The following TENM2 variants were observed in gnomAD, a reference collection of about 807,000 sequenced individuals.
TENM2 encodes the protein teneurin transmembrane protein 2.
In TENM2, 52 loss-of-function variants were observed where a neutral mutation model predicts 245.2. That is an observed-to-expected ratio of 0.21 (90% confidence interval 0.17 to 0.27). TENM2 has a LOEUF of 0.27. TENM2 is among the 10% of genes least tolerant of loss of function. The pLI, the probability that TENM2 is intolerant of heterozygous loss-of-function variation, is 1.00. For synonymous variants in TENM2, 1,363 were observed against 1,438.9 expected (o/e 0.95, Z 1.19); for missense variants, 3,046 against 3,666.8 (o/e 0.83, Z 4.37).
chr5:168,201,067 C>A (rs970724435), intron 17 of TENM2, among the ~76,000 whole-genome samples: 5 of 151,982 alleles, frequency 3.3e-5, no homozygotes, highest in Non-Finnish European at 7.4e-5. Flanking sequence ...CAAGTAGGCA[C>A]CCTCATAACC....
At position 167,915,415 on chromosome 5, in the gene TENM2, T is replaced by C. The variant is rs1021441795; in HGVS notation, c.713-37173T>C. Among the ~76,000 whole-genome samples the C allele has an allele frequency of 3.9e-5, 6 of 152,172 alleles. No individual in the cohort carries two copies. The East Asian group carries it at 9.6e-4, about 24-fold the overall frequency. ...CATGTAAGGTGTCTGAATCCGTTCT[T>C]GGAAGTGTCTTTTCCCCTCCTGTTC... On this transcript the variant is annotated intron_variant, in intron 3 of 28. Transcript: ENST00000518659.
chr5:167,783,688 C>T (rs963245181), intron 2 of TENM2, among the ~76,000 whole-genome samples: 1 of 152,172 alleles, frequency 6.6e-6, no homozygotes, highest in African/African-American at 2.4e-5. Flanking sequence ...GGCAAGCTTC[C>T]AAATCATTGT....
intron 13 of TENM2, among the ~76,000 whole-genome samples, chr5:168,172,342 A>T (rs906139269): frequency 2.0e-5 from 3 of 152,210 alleles, no homozygotes; most frequent in African/African-American, 7.2e-5. Context: ...AAAGGACGTG[A>T]TGTCCAAAAC....
At chr5:167,232,064 C>T in the TENM2 span, among the ~76,000 whole-genome samples, 1 of 152,182 alleles carries the variant, frequency 6.6e-6, no homozygotes, top group Non-Finnish European at 1.5e-5. Context: ...GTTTGGGAAC[C>T]TCCACCTATA....
At chr5:167,051,015 C>T in the TENM2 span, among the ~76,000 whole-genome samples, 2 of 152,170 alleles carry the variant, frequency 1.3e-5, no homozygotes, top group African/African-American at 2.4e-5. Context: ...GCAACTGGCA[C>T]TTTTCCCCCT....
chr5:167,162,648 CA>C, the TENM2 span, among the ~76,000 whole-genome samples: 39 of 143,972 alleles, frequency 2.7e-4, no homozygotes, highest in East Asian at 2.0e-3. Context: ...CAACAAAAAA[CA>C]AAAAAAAAAC....
chr5:167,744,434 T>C (rs1304502387), intron 2 of TENM2, among the ~76,000 whole-genome samples: 1 of 152,186 alleles, frequency 6.6e-6, no homozygotes, highest in Non-Finnish European at 1.5e-5. Flanking sequence ...GACTGAGTTA[T>C]GGGACTCTTC....
chr5:167,801,603 A>G (rs1765779933), intron 2 of TENM2, among the ~76,000 whole-genome samples: 1 of 152,138 alleles, frequency 6.6e-6, no homozygotes, highest in South Asian at 2.1e-4. Flanking sequence ...ATTGAATTCA[A>G]TTTGGGGACA....
chr5:168,200,437 G>A (rs1239076517), intron 17 of TENM2, among the ~76,000 whole-genome samples: 1 of 152,228 alleles, frequency 6.6e-6, no homozygotes, highest in African/African-American at 2.4e-5. Flanking sequence ...CCTCTGCAGG[G>A]CAGCATTTAA....
intron 25 of TENM2, chr5:168,230,766 T>G (rs1189878497): frequency 1.3e-5 from 2 of 152,138 alleles, no homozygotes; most frequent in Admixed American, 1.3e-4. Flanking sequence ...AAGGAGACTC[T>G]AGAGAGATAA....
intron 2 of TENM2, among the ~76,000 whole-genome samples, chr5:167,767,110 C>A (rs542327274): frequency 3.3e-5 from 5 of 152,310 alleles, no homozygotes; most frequent in Admixed American, 6.5e-5. Flanking sequence ...ATGTTCATAG[C>A]AGCTTTATTC....
chr5:167,371,746 G>C (rs1029931126), intron 1 of TENM2, among the ~76,000 whole-genome samples: 1 of 152,060 alleles, frequency 6.6e-6, no homozygotes, highest in East Asian at 1.9e-4. Flanking sequence ...TCCCCGATTA[G>C]ACTGTAAATG....
chr5:168,053,597 A>G (rs923999211), intron 6 of TENM2, among the ~76,000 whole-genome samples: 2 of 152,258 alleles, frequency 1.3e-5, no homozygotes, highest in Non-Finnish European at 2.9e-5. Flanking sequence ...TGATAGTATA[A>G]CAACTATTTA....
intron 2 of TENM2, among the ~76,000 whole-genome samples, chr5:167,591,767 TC>T (rs1775891614): frequency 6.6e-6 from 1 of 152,198 alleles, no homozygotes; most frequent in Non-Finnish European, 1.5e-5. Flanking sequence ...TAACCCTATT[TC>T]TGCATAGAAC....
Position 167,995,577 on chromosome 5 carries a change from G to T in TENM2, c.1186+2395G>T, listed in dbSNP as rs182239863. Among the ~76,000 whole-genome samples the T allele has an allele frequency of 2.0e-5, 3 of 152,296 alleles. No homozygotes were observed. The East Asian group carries it at 5.8e-4, about 29-fold the overall frequency. Reference sequence around the variant, plus strand: ...CCGAGGTGACCGCAGGTCTGCAAGCGTGGTAAGGGGTCAGGATCTGAAGTG... The same window carrying T: ...CCGAGGTGACCGCAGGTCTGCAAGCTTGGTAAGGGGTCAGGATCTGAAGTG... On this transcript the variant is annotated intron_variant, in intron 5 of 28. Transcript: ENST00000518659.
chr5:168,228,987 A>ATATACATATATAATACATTATATG lies in TENM2; in HGVS notation c.5520+866_5520+889dup, dbSNP rs1455399975. ...CATAATATACATATACGTATACATA[A>ATATACATATATAATACATTATATG]TATACATATATAATACATTATATGT... On this transcript the variant is annotated intron_variant, in intron 25 of 28. Coordinates refer to ENST00000518659, the Ensembl canonical transcript of TENM2. Among the ~76,000 whole-genome samples the ATATACATATATAATACATTATATG allele has an allele frequency of 2.0e-5, 3 of 147,884 alleles. No homozygotes were observed. In the East Asian group the frequency reaches 5.9e-4, roughly 29 times the overall value.
At chr5:167,110,315 G>A in the TENM2 span, among the ~76,000 whole-genome samples, 1 of 152,214 alleles carries the variant, frequency 6.6e-6, no homozygotes, top group South Asian at 2.1e-4. Flanking sequence ...ATGTACAAGG[G>A]CTGGAGACAT....
chr5:167,542,872 C>T (rs1772304557), intron 2 of TENM2, among the ~76,000 whole-genome samples: 2 of 152,208 alleles, frequency 1.3e-5, no homozygotes, highest in South Asian at 4.2e-4. Flanking sequence ...GACCAAACCA[C>T]CCCAAAACTT....
At chr5:167,991,199 T>C (rs1401150948) in intron 4 of TENM2, among the ~76,000 whole-genome samples, 1 of 152,204 alleles carries the variant, frequency 6.6e-6, no homozygotes, top group Non-Finnish European at 1.5e-5. Flanking sequence ...TAGCACCTAC[T>C]GAAGACATCA....
Sources: gnomAD v4.1 joint callset for allele counts (sites outside exome capture counted in the v4.1 genomes callset) on GRCh38, gnomAD v4.1.1 for gene constraint, MANE v1.5 for transcripts, NCBI Gene and HGNC (gene_info 2026-07-23, HGNC 2026-07-21) for gene names.